Variants in WBP1L observed in about 807,000 individuals in gnomAD.
WBP1L encodes the protein WW domain binding protein 1-like.
WBP1L carries 17 observed loss-of-function variants against 33.7 expected under a neutral mutation model. The observed-to-expected ratio is 0.50, with a 90% CI of 0.34 to 0.76. The LOEUF is 0.76. Ranked by LOEUF, WBP1L falls within the 30% of genes least tolerant of loss-of-function variation. WBP1L has a pLI of 0.01. For missense variants in WBP1L, 389 were observed against 469.4 expected, an observed-to-expected ratio of 0.83 and a Z score of 1.58; for synonymous variants, 173 against 190.8, an observed-to-expected ratio of 0.91 and a Z score of 0.77.
At chr10:102,750,025 G>T (rs1016824872) in intron 1 of WBP1L, among the ~76,000 whole-genome samples, 1 of 151,218 alleles carries the variant, frequency 6.6e-6, no homozygotes, top group African/African-American at 2.4e-5. Flanking sequence ...CAGATGATCT[G>T]CCCGCCTTGG....
At chr10:102,768,915 C>T (rs901443727) in intron 1 of WBP1L, among the ~76,000 whole-genome samples, 5 of 151,804 alleles carry the variant, frequency 3.3e-5, no homozygotes, top group Non-Finnish European at 7.4e-5. Flanking sequence ...GTCTTGATCT[C>T]CTGACCTCGT....
chr10:102,799,595 C>T (rs1344610205), intron 2 of WBP1L, among the ~76,000 whole-genome samples: 1 of 152,102 alleles, frequency 6.6e-6, no homozygotes, highest in Admixed American at 6.6e-5. Flanking sequence ...ACTGACATTG[C>T]CGTAGTTCTT....
intron 2 of WBP1L, among the ~76,000 whole-genome samples, chr10:102,805,550 A>T (rs1203368277): frequency 6.6e-6 from 1 of 151,982 alleles, no homozygotes; most frequent in East Asian, 1.9e-4. Flanking sequence ...GTTGTGAGCC[A>T]CTGCGCCAAG....
chr10:102,777,345 TGCTAGG>T (rs1843278555), intron 1 of WBP1L, among the ~76,000 whole-genome samples: 1 of 152,084 alleles, frequency 6.6e-6, no homozygotes, highest in South Asian at 2.1e-4. Flanking sequence ...AGAGGGGAGC[TGCTAGG>T]GACCACTGGT....
In WBP1L at chr10:102,776,348, G is replaced by T. The variant is rs752469627; in HGVS notation, c.91-21645G>T. ...CTCATTCCAAGACCTTAACTTTTAA[G>T]AGCCCTTTGTTCCAACGTTAGTGTG... is the stretch of plus-strand genomic sequence containing the variant. On this transcript the variant is annotated intron_variant, in intron 1 of 3. Transcript: ENST00000448841. The T allele has an allele frequency of 9.3e-6, 15 of 1,613,964 alleles. 1 individual carries two copies. In the South Asian group the frequency reaches 1.5e-4, roughly 17 times the overall value.
At chr10:102,749,832 C>A (rs1842908017) in intron 1 of WBP1L, among the ~76,000 whole-genome samples, 1 of 151,580 alleles carries the variant, frequency 6.6e-6, no homozygotes, top group South Asian at 2.1e-4. Flanking sequence ...GGCTGGAGTG[C>A]AATGGTGCAG....
At chr10:102,775,616 A>G (rs953882798) in intron 1 of WBP1L, among the ~76,000 whole-genome samples, 6 of 152,166 alleles carry the variant, frequency 3.9e-5, no homozygotes, top group African/African-American at 1.4e-4. Context: ...CTCCGGTGGA[A>G]GCGAGGGCTC....
intron 1 of WBP1L, among the ~76,000 whole-genome samples, chr10:102,788,361 C>T (rs889212521): frequency 3.9e-5 from 6 of 151,982 alleles, no homozygotes; most frequent in Non-Finnish European, 7.4e-5. Context: ...CCGCCTGTTT[C>T]GGCCTCCCAA....
rs1345455508 is a variant in WBP1L at position 102,815,063 on chromosome 10, G to A, written c.*1732G>A. The A allele has an allele frequency of 2.0e-5, 3 of 152,544 alleles. No homozygotes were observed. Among genetic ancestry groups the A allele is most frequent in the Non-Finnish European group, 2.9e-5 (2 of 68,040 alleles). The allele number at this position is 152,544 out of a possible 1,614,324, so 9.4% of individuals were successfully genotyped here. ...TGTGTGCCTCAAGCCCTGTTTTCCT[G>A]TGAAGATACTTTGAGTGGCAGCCAT... On this transcript the variant is annotated 3_prime_UTR_variant, in exon 4 of 4. Transcript: ENST00000448841.
At chr10:102,811,837 G>T (rs1040903712) in intron 3 of WBP1L, among the ~76,000 whole-genome samples, 8 of 152,226 alleles carry the variant, frequency 5.3e-5, no homozygotes, top group Non-Finnish European at 8.8e-5. Flanking sequence ...ATCTAGAGGG[G>T]TTAAGTGCTT....
chr10:102,765,664 CT>C (rs1213656468), intron 1 of WBP1L, among the ~76,000 whole-genome samples: 1 of 152,172 alleles, frequency 6.6e-6, no homozygotes, highest in Non-Finnish European at 1.5e-5. Flanking sequence ...CATCTTACCC[CT>C]AAGTTGCTTA....
chr10:102,776,502 T>G, intron 1 of WBP1L: 8 of 1,569,932 alleles, frequency 5.1e-6, no homozygotes, highest in Non-Finnish European at 7.0e-6. Flanking sequence ...GTGGAGGGAA[T>G]ATTTTAGCAA....
At chr10:102,747,291 T>G (rs1460267831) in intron 1 of WBP1L, among the ~76,000 whole-genome samples, 1 of 138,792 alleles carries the variant, frequency 7.2e-6, no homozygotes, top group Non-Finnish European at 1.5e-5. Context: ...ACGTGGGAGG[T>G]AGAGGTTGTG....
intron 1 of WBP1L, among the ~76,000 whole-genome samples, chr10:102,779,417 C>T (rs536685506): frequency 4.2e-4 from 64 of 152,096 alleles, no homozygotes; most frequent in African/African-American, 1.4e-3. Context: ...CCTGCCTCAG[C>T]CTCCCAGGTA....
chr10:102,784,854 C>CCAGGCA (rs1843391256), intron 1 of WBP1L, among the ~76,000 whole-genome samples: 1 of 145,238 alleles, frequency 6.9e-6, no homozygotes. Flanking sequence ...ACCCACTGCA[C>CCAGGCA]CCAGCCCACT....
intron 2 of WBP1L, among the ~76,000 whole-genome samples, chr10:102,802,894 A>G (rs1221041556): frequency 1.3e-5 from 2 of 152,258 alleles, no homozygotes; most frequent in African/African-American, 4.8e-5. Context: ...CTGTAACAAC[A>G]ACAATAAACA....
chr10:102,747,373 A>AG (rs1345300917), intron 1 of WBP1L, among the ~76,000 whole-genome samples: 1 of 151,976 alleles, frequency 6.6e-6, no homozygotes, highest in Non-Finnish European at 1.5e-5. Context: ...AAAAAAAAAA[A>AG]AAAAAAAGAA....
At chr10:102,748,971 A>G (rs1234695562) in intron 1 of WBP1L, among the ~76,000 whole-genome samples, 1 of 152,220 alleles carries the variant, frequency 6.6e-6, no homozygotes, top group African/African-American at 2.4e-5. Flanking sequence ...TTTGGAGGTG[A>G]CATGTACTCT....
intron 1 of WBP1L, among the ~76,000 whole-genome samples, chr10:102,752,300 G>T (rs1350549441): frequency 6.6e-6 from 1 of 152,140 alleles, no homozygotes; most frequent in Non-Finnish European, 1.5e-5. Context: ...GTTCATTATT[G>T]CAGAGCTTGG....
Sources: allele counts gnomAD v4.1 joint callset (sites outside exome capture counted in the v4.1 genomes callset), GRCh38; gene constraint gnomAD v4.1.1; transcripts MANE v1.5; gene names NCBI Gene and HGNC (gene_info 2026-07-23, HGNC 2026-07-21).